SPATA13: variants seen among roughly 807,000 people sequenced by gnomAD.
SPATA13 encodes the protein spermatogenesis associated 13, also known as spermatogenesis-associated protein 13.
A neutral mutation model predicts 104.0 loss-of-function variants in SPATA13; 50 were observed. The ratio of observed to expected loss-of-function variants is 0.48; its 90% confidence interval spans 0.38 to 0.61. The LOEUF is 0.61. Among genes scored for constraint, SPATA13 ranks in the 20% least tolerant of loss-of-function variants. The pLI is 0.00. For missense variants in SPATA13, 1,524 were observed against 1,690.6 expected, an observed-to-expected ratio of 0.90 and a Z score of 1.73; for synonymous variants, 606 against 667.5, an observed-to-expected ratio of 0.91 and a Z score of 1.42.
intron 3 of SPATA13, among the ~76,000 whole-genome samples, chr13:24,087,255 C>G (rs1350793112): frequency 6.6e-6 from 1 of 152,180 alleles, no homozygotes; most frequent in Non-Finnish European, 1.5e-5. Flanking sequence ...GGCCTGGGAC[C>G]TCCCCAGTCT....
At chr13:24,141,685 G>T (rs1223741984) in intron 3 of SPATA13, among the ~76,000 whole-genome samples, 1 of 152,232 alleles carries the variant, frequency 6.6e-6, no homozygotes, top group Non-Finnish European at 1.5e-5. Context: ...AGGGGGTATG[G>T]AATGGTTGTT....
At chr13:24,041,593 C>T (rs1432387173) in intron 3 of SPATA13, among the ~76,000 whole-genome samples, 2 of 152,174 alleles carry the variant, frequency 1.3e-5, no homozygotes, top group Non-Finnish European at 2.9e-5. Flanking sequence ...GTGTCAGGAA[C>T]CATGGTGATG....
chr13:23,999,477 C>G (rs1273037740), intron 2 of SPATA13, among the ~76,000 whole-genome samples: 1 of 151,254 alleles, frequency 6.6e-6, no homozygotes, highest in African/African-American at 2.4e-5. Flanking sequence ...ATCTTCCAAC[C>G]CATCATACAG....
intron 3 of SPATA13, among the ~76,000 whole-genome samples, chr13:24,110,840 C>A (rs1352615829): frequency 6.6e-6 from 1 of 152,224 alleles, no homozygotes; most frequent in Non-Finnish European, 1.5e-5. Context: ...TAAGAATAAA[C>A]ACCAAGGTTT....
chr13:24,284,298 G>C (rs1273535701), intron 5 of SPATA13, 27 bp downstream of exon 5: 9 of 1,594,656 alleles, frequency 5.6e-6, no homozygotes, highest in Non-Finnish European at 7.7e-6. Context: ...CGACAGTAGT[G>C]GATACGGGAT....
intron 9 of SPATA13, among the ~76,000 whole-genome samples, chr13:24,291,479 G>A (rs1876341953): frequency 6.6e-6 from 1 of 152,146 alleles, no homozygotes; most frequent in Admixed American, 6.5e-5. Flanking sequence ...ACCCATATGG[G>A]GCAGCTGAGA....
chr13:24,151,124 C>T (rs1882088720), intron 3 of SPATA13, among the ~76,000 whole-genome samples: 2 of 152,152 alleles, frequency 1.3e-5, no homozygotes, highest in Non-Finnish European at 2.9e-5. Flanking sequence ...AGAGGCTTGC[C>T]CCAAATCACA....
At chr13:24,096,441 C>CA (rs60059042) in intron 3 of SPATA13, among the ~76,000 whole-genome samples, 2,099 of 150,238 alleles carry the variant, frequency 0.014, 55 homozygotes, top group East Asian at 0.13. Context: ...ATTAAAAATA[C>CA]AAAAAAAAAT....
At chr13:24,241,778 A>G (rs936163636) in intron 2 of SPATA13, among the ~76,000 whole-genome samples, 4 of 152,244 alleles carry the variant, frequency 2.6e-5, no homozygotes, top group African/African-American at 9.6e-5. Flanking sequence ...CAGGCCAGGC[A>G]TGGCAGCTCA....
chr13:24,161,845 C>T lies in SPATA13; in HGVS notation c.-112+913C>T, dbSNP rs1053460513. Among the ~76,000 whole-genome samples, 10 of 152,204 alleles carry T rather than the reference C, an allele frequency of 6.6e-5. No homozygotes were observed. The highest frequency in any genetic ancestry group is 2.2e-4 in the African/African-American group (9 of 41,450). On this transcript the variant is annotated intron_variant, in intron 1 of 12. Transcript: ENST00000382108. The surrounding 1 kb of genome is among the most constrained non-coding windows in gnomAD (Gnocchi z 4.5). ...CCTTATATTATGCACCTCCCCCTGC[C>T]AGCATTTTCTCTGTCCCCACCTTCG...
At chr13:24,122,659 A>C (rs1881073845) in intron 3 of SPATA13, 2 of 1,109,350 alleles carry the variant, frequency 1.8e-6, no homozygotes, top group Non-Finnish European at 2.8e-6. Context: ...ACTTCAAGAT[A>C]CTTGGTGACA....
intron 4 of SPATA13, among the ~76,000 whole-genome samples, chr13:24,254,795 C>T (rs1195886753): frequency 6.6e-6 from 1 of 151,148 alleles, no homozygotes; most frequent in Non-Finnish European, 1.5e-5. Flanking sequence ...TTTTTGCCAC[C>T]ATGGCCTTTT....
chr13:24,276,421 A>G lies in SPATA13; in HGVS notation c.2165-7714A>G, dbSNP rs117836997. Among the ~76,000 whole-genome samples, 7 of 152,374 alleles carry G rather than the reference A, an allele frequency of 4.6e-5. No individual in the cohort carries two copies. The East Asian group carries it at 1.3e-3, about 29-fold the overall frequency. ...CCAGCCATAAAAGGACATATACTGT[A>G]TGATCCCATTCATATGAAGTATCTA... On this transcript the variant is annotated intron_variant, in intron 4 of 12. Transcript: ENST00000382108.
intron 3 of SPATA13, among the ~76,000 whole-genome samples, chr13:24,043,849 G>A (rs1317242080): frequency 6.6e-6 from 1 of 152,230 alleles, no homozygotes; most frequent in Admixed American, 6.5e-5. Context: ...ATGACTGTAA[G>A]TGGAACAAAT....
intron 2 of SPATA13, among the ~76,000 whole-genome samples, chr13:23,990,602 A>G (rs1322857577): frequency 6.6e-6 from 1 of 152,164 alleles, no homozygotes; most frequent in Non-Finnish European, 1.5e-5. Context: ...AGCCTGGTTT[A>G]GTGGATTCTT....
At chr13:24,187,085 A>G (rs1199028475) in intron 1 of SPATA13, among the ~76,000 whole-genome samples, 1 of 152,136 alleles carries the variant, frequency 6.6e-6, no homozygotes, top group African/African-American at 2.4e-5. Flanking sequence ...CCTAGCACAA[A>G]ACTACCTTTT....
intron 1 of SPATA13, among the ~76,000 whole-genome samples, chr13:24,190,649 A>C (rs1045982379): frequency 2.0e-5 from 3 of 151,916 alleles, no homozygotes; most frequent in Non-Finnish European, 4.4e-5. Context: ...TGGAGGCTGA[A>C]GATTTGATGG....
intron 2 of SPATA13, among the ~76,000 whole-genome samples, chr13:23,996,802 C>T (rs900463179): frequency 1.3e-5 from 2 of 152,190 alleles, no homozygotes; most frequent in African/African-American, 4.8e-5. Context: ...TGTGGCCCCT[C>T]CTCCATCTCC....
chr13:23,987,086 T>C (rs1050793843), intron 2 of SPATA13, among the ~76,000 whole-genome samples: 2 of 79,334 alleles, frequency 2.5e-5, no homozygotes, highest in Admixed American at 1.5e-4. Context: ...AGTGGATTGA[T>C]ATTTTAAATG....
Sources: allele counts gnomAD v4.1 joint callset (sites outside exome capture counted in the v4.1 genomes callset), GRCh38; gene constraint gnomAD v4.1.1; non-coding constraint Gnocchi (gnomAD v3.1); transcripts MANE v1.5; gene names NCBI Gene and HGNC (gene_info 2026-07-23, HGNC 2026-07-21).